PNKP: variants seen among roughly 807,000 people sequenced by gnomAD.
The protein encoded by PNKP is bifunctional polynucleotide phosphatase/kinase.
In PNKP, 82 loss-of-function variants were observed where a neutral mutation model predicts 66.2. The ratio of observed to expected loss-of-function variants is 1.24; its 90% confidence interval spans 1.04 to 1.49. The LOEUF is 1.49. Among genes scored for constraint, PNKP ranks in the 40% most tolerant of loss-of-function variants. The pLI is 0.00. For missense variants in PNKP, 907 were observed against 706.8 expected (o/e 1.28, Z -3.21); for synonymous variants, 412 against 298.9 (o/e 1.38, Z -3.90).
In PNKP at chr19:49,861,884, G is replaced by A. The variant is rs1568659329; in HGVS notation, c.1189-3C>T. The A allele has an allele frequency of 6.3e-7, 1 of 1,584,246 alleles. No homozygotes were observed. ...CGCTGCCAGGAGCCTAGCGTGTCCTGGGGACACGAGAGGTCACAAACAGAT... is the reference window on the plus strand; with the variant it reads ...CGCTGCCAGGAGCCTAGCGTGTCCTAGGGACACGAGAGGTCACAAACAGAT... On this transcript the variant is annotated splice_polypyrimidine_tract_variant and splice_region_variant and intron_variant, in intron 13 of 16. Transcript: ENST00000322344.
chr19:49,863,975 C>T lies in PNKP; in HGVS notation c.733G>A (p.Val245Ile), dbSNP rs1475375304. 2 of 1,612,500 alleles carry T rather than the reference C, an allele frequency of 1.2e-6. No homozygotes were observed. Among genetic ancestry groups the T allele is most frequent in the South Asian group, 1.1e-5 (1 of 91,032 alleles). ...CCTTCCAGCCATACCTGGAAGGGGA[C>T]CCCCAGCTTCTCCACCACAGCCTCC... ...KVEAVVEKLGVPFQVLVATHA... is the reference protein window; with the variant it reads ...KVEAVVEKLGIPFQVLVATHA... The change falls in exon 7 of 17, where the codon GTC becomes ATC. Residue 245 changes from valine (V) to isoleucine (I), a missense_variant. Coordinates refer to ENST00000322344, the MANE Select transcript of PNKP (RefSeq NM_007254.4).
chr19:49,863,529 G>A (rs1466154074), intron 8 of PNKP, among the ~76,000 whole-genome samples, 160 bp downstream of exon 8: 1 of 152,224 alleles, frequency 6.6e-6, no homozygotes, highest in African/African-American at 2.4e-5. Flanking sequence ...TGAAAGCACT[G>A]GTCTCGTAAA....
Position 49,862,470 on chromosome 19 carries a change from G to A in PNKP, c.937-7C>T, listed in dbSNP as rs750992682. 5 of 1,592,960 alleles carry A rather than the reference G, an allele frequency of 3.1e-6. No individual in the cohort carries two copies. The highest frequency in any genetic ancestry group is 3.4e-6 in the Non-Finnish European group (4 of 1,169,614). Reference sequence around the variant, plus strand: ...GGCCAAGGTTGAGGGCAAACTAGGGGTTGAGGACGAACATCAGACACAGGC... The same window carrying A: ...GGCCAAGGTTGAGGGCAAACTAGGGATTGAGGACGAACATCAGACACAGGC... On this transcript the variant is annotated splice_polypyrimidine_tract_variant and splice_region_variant and intron_variant, in intron 10 of 16. Coordinates refer to ENST00000322344, the MANE Select transcript of PNKP (RefSeq NM_007254.4).
Position 49,864,406 on chromosome 19 carries a change from G to C in PNKP, c.499-3C>G. On this transcript the variant is annotated splice_polypyrimidine_tract_variant and splice_region_variant and intron_variant, in intron 4 of 16. Coordinates refer to ENST00000322344, the MANE Select transcript of PNKP (RefSeq NM_007254.4). ...CCGTCCAGATCAAAGCCAGCCACCT[G>C]GTGTCACCAAGGAAAGACAAACAGC... 6.2e-7 allele frequency: 1 copy of C among 1,611,948 alleles called. No individual in the cohort carries two copies.
At position 49,864,127 on chromosome 19, in the gene PNKP, G is replaced by A; in HGVS notation, c.636+52C>T. On this transcript the variant is annotated intron_variant, in intron 6 of 16. Coordinates refer to ENST00000322344, the MANE Select transcript of PNKP (RefSeq NM_007254.4). The stretch of plus-strand genomic sequence containing the variant: ...TGCTCACCAGGGCCTTGGTCTGACT[G>A]CGGTCGGACCGCCACGTGCACGTGC... 2.5e-6 allele frequency: 4 copies of A among 1,611,418 alleles called. No individual in the cohort carries two copies. The South Asian group carries it at 3.3e-5, about 13-fold the overall frequency.
chr19:49,861,996 A>AGAT, intron 13 of PNKP, 48 bp downstream of exon 13: 1 of 1,605,644 alleles, frequency 6.2e-7, no homozygotes, highest in Non-Finnish European at 8.5e-7. Flanking sequence ...TGAGAGGTGG[A>AGAT]GATGGGAACT....
chr19:49,866,482 T>C, intron 2 of PNKP, 37 bp from the exon 3 acceptor site: 2 of 1,603,226 alleles, frequency 1.2e-6, no homozygotes, highest in East Asian at 4.5e-5. Context: ...ATTTGCATCC[T>C]TGTGTGATTG....
Position 49,861,689 on chromosome 19 carries a change from G to A in PNKP, c.1305C>T (p.Val435=). Residue 435 remains valine (V), a synonymous_variant, in exon 15 of 17, where the codon GTC becomes GTT. Coordinates refer to ENST00000322344, the MANE Select transcript of PNKP (RefSeq NM_007254.4). The part of the protein sequence containing the change: ...NPDAASRARY[V]QCARAAGVPC... ...GGACGCCCGCGGCTCGGGCACACTG[G>A]ACGTACCTGTGGGGGAAGGAGCTGG... 6.5e-7 allele frequency: 1 copy of A among 1,547,818 alleles called. No homozygotes were observed. Among genetic ancestry groups the A allele is most frequent in the Non-Finnish European group, 8.7e-7 (1 of 1,146,298 alleles).
intron 1 of PNKP, 73 bp from the exon 2 acceptor site, chr19:49,867,290 A>G (rs2074828956): frequency 1.4e-6 from 2 of 1,430,390 alleles, no homozygotes; most frequent in Non-Finnish European, 1.9e-6. Flanking sequence ...CTCCTCCCAC[A>G]TCCACTAGAA....
chr19:49,861,518 G>T lies in PNKP; in HGVS notation c.1387-8C>A, dbSNP rs541604147. The T allele has an allele frequency of 2.1e-6, 3 of 1,439,760 alleles. No homozygotes were observed. Among genetic ancestry groups the T allele is most frequent in the Non-Finnish European group, 1.9e-6 (2 of 1,068,640 alleles). The allele number at this position is 1,439,760 out of a possible 1,614,324, so 89.2% of individuals were successfully genotyped here. ...GTCCGTCATCTCTCGAAACTGTGGG[G>T]AACATCAGAGGGGCGGCAGGCCCAG... is the stretch of plus-strand genomic sequence containing the variant. On this transcript the variant is annotated splice_polypyrimidine_tract_variant and splice_region_variant and intron_variant, in intron 15 of 16. Coordinates refer to ENST00000322344, the MANE Select transcript of PNKP (RefSeq NM_007254.4).
intron 4 of PNKP, among the ~76,000 whole-genome samples, chr19:49,864,652 G>A (rs2074804883): frequency 6.6e-6 from 1 of 152,128 alleles, no homozygotes; most frequent in South Asian, 2.1e-4. Context: ...CTTTAAAATG[G>A]GGGTTAATGT....
rs1555811378 is a variant in PNKP at position 49,863,751 on chromosome 19, C to A, written c.754G>T (p.Ala252Ser). 1 of 1,559,374 alleles carries A rather than the reference C, an allele frequency of 6.4e-7. No homozygotes were observed. The highest frequency in any genetic ancestry group is 8.7e-7 in the Non-Finnish European group (1 of 1,150,924). The change falls in exon 8 of 17, where the codon GCC becomes TCC. Residue 252 changes from alanine to serine, a missense_variant. Physicochemically the swap from Ala to Ser is moderately conservative, Grantham distance 99. Coordinates refer to ENST00000322344, the MANE Select transcript of PNKP (RefSeq NM_007254.4). Reference sequence around the variant, plus strand: ...TTCCGGTACAAGCCTGCGTGCGTGGCCACCAGCACCTGTGGATGGGAGGGG... The same window carrying A: ...TTCCGGTACAAGCCTGCGTGCGTGGACACCAGCACCTGTGGATGGGAGGGG... ...KLGVPFQVLV[A>S]THAGLYRKPV...
At chr19:49,866,647 G>T in intron 2 of PNKP, 1 of 675,818 alleles carries the variant, frequency 1.5e-6, no homozygotes. Context: ...GGGACAGGGA[G>T]GTACTTTTCT....
At position 49,864,072 on chromosome 19, in the gene PNKP, C is replaced by A. The variant is rs2122334749; in HGVS notation, c.637-1G>T. 1 of 1,613,816 alleles carries A rather than the reference C, an allele frequency of 6.2e-7. No homozygotes were observed. Among genetic ancestry groups the A allele is most frequent in the Non-Finnish European group, 8.5e-7 (1 of 1,179,910 alleles). The stretch of plus-strand genomic sequence containing the variant: ...TCATCTGGTTGGTGAAGATCACCAG[C>A]TGGGGAGCAAAGGGTGTCACCAGAC... On this transcript the variant is annotated splice_acceptor_variant, in intron 6 of 16. Coordinates refer to ENST00000322344, the MANE Select transcript of PNKP (RefSeq NM_007254.4). LOFTEE classifies it high-confidence loss of function.
rs3729641 is a variant in PNKP at position 49,864,859 on chromosome 19, C to G, written c.498+268G>C. Among the ~76,000 whole-genome samples the G allele has an allele frequency of 1.9e-4, 29 of 152,206 alleles. No homozygotes were observed. In the South Asian group the frequency reaches 6.0e-3, roughly 32 times the overall value. ...GTGGTAACAGCATTTGAACTCAAGT[C>G]TCTCTGGACATAAAAAATCCTCATC... On this transcript the variant is annotated intron_variant, in intron 4 of 16. Transcript: ENST00000322344.
In PNKP at chr19:49,861,854, C is replaced by CA. The variant is rs1389034284; in HGVS notation, c.1215dup (p.Val406CysfsTer5). On this transcript the variant is annotated frameshift_variant, in exon 14 of 17. Coordinates refer to ENST00000322344, the MANE Select transcript of PNKP (RefSeq NM_007254.4). LOFTEE classifies it high-confidence loss of function. ...TTCAGGGCTGTCTCACACGTGGTCA[C>CA]ACAGCGCTGCCAGGAGCCTAGCGTG... 1.3e-6 allele frequency: 2 copies of CA among 1,593,176 alleles called. No homozygotes were observed. The highest frequency in any genetic ancestry group is 1.7e-6 in the Non-Finnish European group (2 of 1,172,660).
At chr19:49,865,096 CG>C (rs1568662115) in intron 4 of PNKP, 30 bp downstream of exon 4, 1 of 1,598,342 alleles carries the variant, frequency 6.3e-7, no homozygotes, top group South Asian at 1.1e-5. Flanking sequence ...CAGTCTGTGG[CG>C]GCTCCCTCAG....
chr19:49,863,841 G>C, intron 7 of PNKP, 81 bp from the exon 8 acceptor site: 2 of 1,408,570 alleles, frequency 1.4e-6, no homozygotes, highest in Non-Finnish European at 2.0e-6. Context: ...ATTTGTAGCT[G>C]ATGATGGGTT....
In PNKP at chr19:49,862,363, G is replaced by A; in HGVS notation, c.1029+8C>T. 1.3e-6 allele frequency: 2 copies of A among 1,516,526 alleles called. No homozygotes were observed. The highest frequency in any genetic ancestry group is 1.4e-5 in the African/African-American group (1 of 72,326). The allele number at this position is 1,516,526 out of a possible 1,614,324, so 93.9% of individuals were successfully genotyped here. ...ATCCCCACCCCCACCCCCGCCCCAG[G>A]GCCTCACCGGATCAAAGGCTGGGAG... On this transcript the variant is annotated splice_region_variant and intron_variant, in intron 11 of 16. Coordinates refer to ENST00000322344, the MANE Select transcript of PNKP (RefSeq NM_007254.4).
Sources: allele counts gnomAD v4.1 joint callset (sites outside exome capture counted in the v4.1 genomes callset), GRCh38; gene constraint gnomAD v4.1.1; transcripts MANE v1.5; gene names NCBI Gene and HGNC (gene_info 2026-07-23, HGNC 2026-07-21).